The following SLMAP variants were observed in gnomAD, a reference collection of about 807,000 sequenced individuals.
SLMAP encodes sarcolemmal membrane-associated protein.
SLMAP carries 44 observed loss-of-function variants against 128.8 expected under a neutral mutation model. The observed-to-expected ratio is 0.34, with a 90% CI of 0.27 to 0.44. The LOEUF (loss-of-function observed/expected upper bound fraction) is 0.44. Among genes scored for constraint, SLMAP ranks in the 20% least tolerant of loss-of-function variants. The pLI, the probability that SLMAP is intolerant of heterozygous loss-of-function variation, is 1.00. For missense variants in SLMAP, 787 were observed against 985.3 expected (o/e 0.80, Z 2.69); for synonymous variants, 327 against 348.8 (o/e 0.94, Z 0.70).
chr3:57,884,960 T>C (rs1191492706), intron 14 of SLMAP, among the ~76,000 whole-genome samples: 1 of 152,162 alleles, frequency 6.6e-6, no homozygotes, highest in Non-Finnish European at 1.5e-5. Context: ...GATCAGACTT[T>C]TGAGGAAATT....
intron 6 of SLMAP, among the ~76,000 whole-genome samples, chr3:57,853,980 TATATATATATATATATATATTTACATATA>T (rs1396712468): frequency 2.8e-5 from 3 of 105,880 alleles, no homozygotes; most frequent in African/African-American, 1.1e-4. Flanking sequence ...TATATATATA[TATATATATATATATATATATTTACATATA>T]ATATATATTA....
intron 2 of SLMAP, among the ~76,000 whole-genome samples, chr3:57,792,932 G>T (rs1400040453): frequency 2.0e-5 from 3 of 152,050 alleles, no homozygotes; most frequent in Non-Finnish European, 4.4e-5. Context: ...GAGCTCAGGA[G>T]TTGAGACCAG....
chr3:57,880,057 G>C (rs2095696472), intron 14 of SLMAP, among the ~76,000 whole-genome samples: 1 of 152,164 alleles, frequency 6.6e-6, no homozygotes, highest in Non-Finnish European at 1.5e-5. Context: ...GAGGGCCTTA[G>C]GGATTGGTGG....
intron 13 of SLMAP, among the ~76,000 whole-genome samples, chr3:57,868,883 ATATATAT>A (rs1048537424): frequency 2.9e-5 from 4 of 137,482 alleles, no homozygotes; most frequent in Admixed American, 8.0e-5. Context: ...ATTATATATA[ATATATAT>A]TATATATATT....
At chr3:57,863,294 AT>A (rs1334600697) in intron 10 of SLMAP, among the ~76,000 whole-genome samples, 2 of 152,186 alleles carry the variant, frequency 1.3e-5, no homozygotes, top group Non-Finnish European at 2.9e-5. Context: ...GAAAAAAAAA[AT>A]CTTATAACTG....
At chr3:57,913,306 A>G in intron 21 of SLMAP, 31 bp downstream of exon 21, 3 of 915,274 alleles carry the variant, frequency 3.3e-6, no homozygotes, top group East Asian at 5.1e-5. Flanking sequence ...TTTCAGATAT[A>G]AAATATTTCT....
chr3:57,901,066 C>T (rs1246006615), intron 17 of SLMAP: 1 of 152,108 alleles, frequency 6.6e-6, no homozygotes, highest in East Asian at 1.9e-4. Flanking sequence ...GTATCCTGAC[C>T]CCCAATACAA....
intron 4 of SLMAP, among the ~76,000 whole-genome samples, chr3:57,845,922 A>G (rs1379286972): frequency 6.6e-6 from 1 of 151,720 alleles, no homozygotes; most frequent in African/African-American, 2.4e-5. Flanking sequence ...GCTCACTGCA[A>G]CCTCTGCCTC....
intron 2 of SLMAP, among the ~76,000 whole-genome samples, chr3:57,778,811 T>A (rs930280137): frequency 6.6e-6 from 1 of 152,046 alleles, no homozygotes; most frequent in Non-Finnish European, 1.5e-5. Flanking sequence ...CAAATTAGAA[T>A]CTTAGGTAAT....
rs143403039 is a variant in SLMAP, at chr3:57,782,905, A to G, written c.198+25056A>G. ...CCTGCCTTTCCATGTTCTGCCATGC[A>G]GTGCTGCAACAAGAAGGCCCTCACT... On this transcript the variant is annotated intron_variant, in intron 2 of 24. Transcript: ENST00000671191. Among the ~76,000 whole-genome samples the G allele has an allele frequency of 2.2e-3, 329 of 152,308 alleles. 1 individual carries two copies. The highest frequency in any genetic ancestry group is 7.7e-3 in the African/African-American group (319 of 41,576).
chr3:57,776,508 C>T (rs1280150801), intron 2 of SLMAP, among the ~76,000 whole-genome samples: 1 of 121,324 alleles, frequency 8.2e-6, no homozygotes, highest in South Asian at 2.6e-4. Context: ...TTTGTCCCTT[C>T]TCTCTCTCTC....
chr3:57,915,562 C>T (rs2096792705), intron 21 of SLMAP, among the ~76,000 whole-genome samples: 1 of 152,188 alleles, frequency 6.6e-6, no homozygotes, highest in Non-Finnish European at 1.5e-5. Context: ...AGACCCACCC[C>T]AAAGAATCTG....
At chr3:57,781,078 T>TA (rs922742818) in intron 2 of SLMAP, among the ~76,000 whole-genome samples, 1 of 151,152 alleles carries the variant, frequency 6.6e-6, no homozygotes, top group Non-Finnish European at 1.5e-5. Context: ...AAAAATAGAA[T>TA]AAAAAAATAA....
At chr3:57,884,508 A>T (rs963084995) in intron 14 of SLMAP, among the ~76,000 whole-genome samples, 1 of 152,226 alleles carries the variant, frequency 6.6e-6, no homozygotes, top group African/African-American at 2.4e-5. Context: ...AGAGAAACAC[A>T]TATTGATACT....
chr3:57,870,752 T>G (rs998745023), intron 13 of SLMAP, among the ~76,000 whole-genome samples: 2 of 152,160 alleles, frequency 1.3e-5, no homozygotes, highest in African/African-American at 4.8e-5. Context: ...GTGTCCCCTT[T>G]GACAGATTCT....
intron 2 of SLMAP, among the ~76,000 whole-genome samples, chr3:57,826,867 C>T (rs994840444): frequency 2.6e-5 from 4 of 152,184 alleles, no homozygotes; most frequent in Non-Finnish European, 5.9e-5. Flanking sequence ...TGTTTCCTTA[C>T]GTATCCTTCT....
chr3:57,798,112 T>C (rs266844), intron 2 of SLMAP, among the ~76,000 whole-genome samples: 24,033 of 152,222 alleles, frequency 0.16, 2,444 homozygotes, highest in East Asian at 0.43. Context: ...AAATGTTAAC[T>C]AATTTTATTG....
chr3:57,780,952 A>G (rs2082912254), intron 2 of SLMAP, among the ~76,000 whole-genome samples: 1 of 152,038 alleles, frequency 6.6e-6, no homozygotes, highest in Non-Finnish European at 1.5e-5. Context: ...AAAATTCTTT[A>G]AAGATAGAAT....
intron 2 of SLMAP, among the ~76,000 whole-genome samples, chr3:57,823,838 A>G (rs975819710): frequency 6.6e-6 from 1 of 152,198 alleles, no homozygotes; most frequent in Non-Finnish European, 1.5e-5. Context: ...TCCCAGCAAC[A>G]GTGTAAAAGT....
Sources: gnomAD v4.1 joint callset for allele counts (sites outside exome capture counted in the v4.1 genomes callset) on GRCh38, gnomAD v4.1.1 for gene constraint, MANE v1.5 for transcripts, NCBI Gene and HGNC (gene_info 2026-07-23, HGNC 2026-07-21) for gene names.